The following ERG variants were observed in gnomAD, a reference collection of about 807,000 sequenced individuals.
ERG encodes ETS transcription factor ERG.
ERG carries 9 observed loss-of-function variants against 55.3 expected under a neutral mutation model. The observed-to-expected ratio is 0.16, with a 90% CI of 0.10 to 0.28. The LOEUF (loss-of-function observed/expected upper bound fraction) is 0.28, where lower values mean the gene tolerates loss of function less well. Among genes scored for constraint, ERG ranks in the 10% least tolerant of loss-of-function variants. The pLI is 1.00. For synonymous variants in ERG, 223 were observed against 237.3 expected (o/e 0.94, Z 0.55); for missense variants, 434 against 631.6 (o/e 0.69, Z 3.35).
intron 2 of ERG, among the ~76,000 whole-genome samples, chr21:38,428,685 A>G (rs556733616): frequency 6.6e-6 from 1 of 152,302 alleles, no homozygotes; most frequent in African/African-American, 2.4e-5. Flanking sequence ...TTAAACATAC[A>G]CATACTTGCA....
intron 2 of ERG, among the ~76,000 whole-genome samples, chr21:38,528,103 T>C (rs8128428): frequency 0.38 from 57,961 of 151,522 alleles, 11,165 homozygotes; most frequent in African/African-American, 0.45. Context: ...GTTCCTTGGC[T>C]TATAGAAGCA....
intron 2 of ERG, among the ~76,000 whole-genome samples, chr21:38,520,719 G>A (rs2059588339): frequency 6.6e-6 from 1 of 152,194 alleles, no homozygotes; most frequent in African/African-American, 2.4e-5. Context: ...CAGGACTGGT[G>A]ATTGACTGGA....
intron 1 of ERG, among the ~76,000 whole-genome samples, chr21:38,495,700 G>C (rs1003642521): frequency 3.3e-5 from 5 of 152,064 alleles, no homozygotes; most frequent in African/African-American, 1.2e-4. Flanking sequence ...AGGACTGTAG[G>C]CTTCACTAGA....
intron 1 of ERG, among the ~76,000 whole-genome samples, chr21:38,659,083 TTA>T (rs2060536601): frequency 6.6e-6 from 1 of 152,222 alleles, no homozygotes; most frequent in South Asian, 2.1e-4. Flanking sequence ...GCTACTGGAA[TTA>T]TATATTCCTT....
At chr21:38,419,162 A>AC (rs748824146) in intron 3 of ERG, among the ~76,000 whole-genome samples, 1 of 152,156 alleles carries the variant, frequency 6.6e-6, no homozygotes, top group Non-Finnish European at 1.5e-5. Context: ...CGCACCAAAT[A>AC]CATAGATAAA....
At chr21:38,424,342 G>A (rs530322260) in intron 2 of ERG, among the ~76,000 whole-genome samples, 2 of 152,160 alleles carry the variant, frequency 1.3e-5, no homozygotes, top group African/African-American at 4.8e-5. Context: ...CCAGAAGTAT[G>A]CAAGCTCGAG....
At chr21:38,466,157 T>C (rs987736173) in intron 1 of ERG, among the ~76,000 whole-genome samples, 11 of 152,202 alleles carry the variant, frequency 7.2e-5, no homozygotes, top group African/African-American at 2.7e-4. Flanking sequence ...TAATACATAA[T>C]AGGCTGCAAA....
At chr21:38,587,573 G>A (rs1350456971), upstream of ERG, among the ~76,000 whole-genome samples, 3 of 152,132 alleles carry the variant, frequency 2.0e-5, no homozygotes, top group Admixed American at 6.5e-5. Flanking sequence ...AGCCAGGACG[G>A]TCTCAATCTC....
rs531970689 is a variant in ERG, at chr21:38,620,756, A to G, written c.-149-35811T>C. Among the ~76,000 whole-genome samples, 4 of 152,342 alleles carry G rather than the reference A, an allele frequency of 2.6e-5. No individual in the cohort carries two copies. The East Asian group carries it at 5.8e-4, about 22-fold the overall frequency. On this transcript the variant is annotated intron_variant, in intron 1 of 10. Transcript: ENST00000398910. ...GCTTTCTCTCCACCAGGCTAAATCA[A>G]GTTTCCCAGTACACAAGTGTGGTGG...
At chr21:38,498,757 A>G (rs2059399811), upstream of ERG, among the ~76,000 whole-genome samples, 1 of 152,132 alleles carries the variant, frequency 6.6e-6, no homozygotes. The surrounding 1 kb of genome is among the most constrained non-coding windows in gnomAD (Gnocchi z 4.6). Context: ...TGCAGATGTG[A>G]TGGGACTCCG....
At chr21:38,389,059 T>C (rs1486767272) in intron 9 of ERG, among the ~76,000 whole-genome samples, 4 of 152,218 alleles carry the variant, frequency 2.6e-5, no homozygotes, top group African/African-American at 7.2e-5. Context: ...TCTTCCTTCC[T>C]GACCTCAGAT....
intron 1 of ERG, among the ~76,000 whole-genome samples, chr21:38,578,653 C>A (rs62217465): frequency 6.6e-6 from 1 of 152,158 alleles, no homozygotes; most frequent in Admixed American, 6.5e-5. Flanking sequence ...GTCACCCACC[C>A]CAATCACCCC....
chr21:38,443,899 T>A (rs1199356623), intron 2 of ERG, among the ~76,000 whole-genome samples: 1 of 152,242 alleles, frequency 6.6e-6, no homozygotes, highest in Non-Finnish European at 1.5e-5. Flanking sequence ...AAGATGGGCC[T>A]GCCTCGAGTT....
intron 1 of ERG, among the ~76,000 whole-genome samples, chr21:38,455,121 T>TCTTTC (rs35484516): frequency 3.7e-4 from 6 of 16,192 alleles, no homozygotes; most frequent in Non-Finnish European, 6.0e-4. Context: ...TTTCTTTCTT[T>TCTTTC]TTTTTTTTTT....
At chr21:38,539,132 G>C (rs956769816) in intron 2 of ERG, among the ~76,000 whole-genome samples, 1 of 152,214 alleles carries the variant, frequency 6.6e-6, no homozygotes, top group Non-Finnish European at 1.5e-5. Context: ...TGCATAATGT[G>C]ATGTTTATCA....
intron 2 of ERG, among the ~76,000 whole-genome samples, chr21:38,504,752 T>C (rs1157936292): frequency 6.6e-6 from 1 of 152,252 alleles, no homozygotes; most frequent in African/African-American, 2.4e-5. Context: ...TACTGTCCCC[T>C]GTCACCATCC....
At chr21:38,490,869 C>G (rs1201738528) in intron 1 of ERG, among the ~76,000 whole-genome samples, 1 of 152,224 alleles carries the variant, frequency 6.6e-6, no homozygotes, top group African/African-American at 2.4e-5. Context: ...AGGCCAATCC[C>G]TTTTCCACAG....
At chr21:38,602,543 G>A (rs1301603292) in intron 1 of ERG, among the ~76,000 whole-genome samples, 1 of 151,992 alleles carries the variant, frequency 6.6e-6, no homozygotes, top group Non-Finnish European at 1.5e-5. Context: ...GGACTTTAAC[G>A]GGGCAGGGGA....
Position 38,397,268 on chromosome 21 carries a change from A to G in ERG, c.745+3306T>C, listed in dbSNP as rs73904572. 7.4e-3 allele frequency among the ~76,000 whole-genome samples: 1,123 copies of G among 152,252 alleles called. 16 individuals carry two copies. The highest frequency in any genetic ancestry group is 0.026 in the African/African-American group (1,073 of 41,548). ...AAGCAGTCAGGGGGCTCTGGAATAAATGATCCACTTGGGAAGGTGGGCCAT... is the reference window on the plus strand; with the variant it reads ...AAGCAGTCAGGGGGCTCTGGAATAAGTGATCCACTTGGGAAGGTGGGCCAT... On this transcript the variant is annotated intron_variant, in intron 6 of 9. Coordinates refer to ENST00000288319, the MANE Select transcript of ERG (RefSeq NM_182918.4).
Sources: gnomAD v4.1 joint callset for allele counts (sites outside exome capture counted in the v4.1 genomes callset) on GRCh38, gnomAD v4.1.1 for gene constraint, Gnocchi (gnomAD v3.1) non-coding constraint, MANE v1.5 for transcripts, NCBI Gene and HGNC (gene_info 2026-07-23, HGNC 2026-07-21) for gene names.